GLIS1: variants seen among roughly 807,000 people sequenced by gnomAD.
GLIS1 encodes the protein GLIS family zinc finger 1, also known as zinc finger protein GLIS1.
In GLIS1, 24 loss-of-function variants were observed where a neutral mutation model predicts 63.8. The observed-to-expected ratio is 0.38, with a 90% CI of 0.27 to 0.53. The LOEUF is 0.53. Ranked by LOEUF, GLIS1 falls within the 20% of genes least tolerant of loss-of-function variation. The probability of loss-of-function intolerance (pLI) is 0.85; values close to 1 mark genes in which losing one functional copy is unlikely to be tolerated. For synonymous variants in GLIS1, 450 were observed against 482.5 expected, an observed-to-expected ratio of 0.93 and a Z score of 0.88; for missense variants, 1,036 against 1,074.1, an observed-to-expected ratio of 0.96 and a Z score of 0.50.
chr1:53,593,233 G>C (rs1256808768), intron 4 of GLIS1, among the ~76,000 whole-genome samples: 1 of 152,252 alleles, frequency 6.6e-6, no homozygotes, highest in Non-Finnish European at 1.5e-5. Context: ...CTGAGGTCCA[G>C]CTCTGCCGTT....
chr1:53,530,092 C>A, intron 4 of GLIS1, 140 bp from the exon 5 acceptor site: 1 of 757,510 alleles, frequency 1.3e-6, no homozygotes, highest in Admixed American at 2.9e-5. Context: ...TCTGGATCAG[C>A]TCCCCATGAA....
At chr1:53,510,230 G>A (rs957755013) in intron 8 of GLIS1, among the ~76,000 whole-genome samples, 9 of 152,204 alleles carry the variant, frequency 5.9e-5, no homozygotes, top group Non-Finnish European at 1.2e-4. Flanking sequence ...TTTGGAGTCT[G>A]GTATTTAGGA....
chr1:53,535,056 T>C lies in GLIS1; in HGVS notation c.1321-5104A>G, dbSNP rs113665018. Among the ~76,000 whole-genome samples the C allele has an allele frequency of 2.4e-4, 37 of 152,096 alleles. 1 individual carries two copies. The highest frequency in any genetic ancestry group is 8.7e-4 in the African/African-American group (36 of 41,416). ...CAGGGAGGCTGGAAGAGGTGGGATA[T>C]GTTCTGGAAACAGCTAAGGATCTAT... On this transcript the variant is annotated intron_variant, in intron 4 of 10. Coordinates refer to ENST00000628545, the MANE Select transcript of GLIS1 (RefSeq NM_001367484.1).
At chr1:53,562,448 G>A (rs990081665) in intron 4 of GLIS1, among the ~76,000 whole-genome samples, 3 of 152,028 alleles carry the variant, frequency 2.0e-5, no homozygotes, top group Non-Finnish European at 4.4e-5. Flanking sequence ...CATGACATGT[G>A]GAAATGCACT....
At chr1:53,668,147 A>G (rs577911014) in intron 2 of GLIS1, among the ~76,000 whole-genome samples, 1 of 152,346 alleles carries the variant, frequency 6.6e-6, no homozygotes, top group Non-Finnish European at 1.5e-5. Flanking sequence ...TCTCAACCTC[A>G]GAACTGATAT....
chr1:53,721,196 A>G (rs1157382558), intron 2 of GLIS1, among the ~76,000 whole-genome samples: 2 of 152,152 alleles, frequency 1.3e-5, no homozygotes, highest in Non-Finnish European at 2.9e-5. Flanking sequence ...ATAGGAAGCC[A>G]GTAGACAGTA....
At chr1:53,548,604 G>A (rs547387856) in intron 4 of GLIS1, among the ~76,000 whole-genome samples, 1 of 152,344 alleles carries the variant, frequency 6.6e-6, no homozygotes, top group South Asian at 2.1e-4. Flanking sequence ...CTCAGAAGTT[G>A]CTGAGGTGCT....
intron 6 of GLIS1, among the ~76,000 whole-genome samples, chr1:53,524,406 C>T (rs1644442736): frequency 6.6e-6 from 1 of 152,256 alleles, no homozygotes. Flanking sequence ...TCTGCTGTCG[C>T]CTGCCAGGAC....
At chr1:53,729,360 G>T (rs184940886) in intron 2 of GLIS1, among the ~76,000 whole-genome samples, 1 of 152,106 alleles carries the variant, frequency 6.6e-6, no homozygotes, top group Non-Finnish European at 1.5e-5. Context: ...CACAAAGAGC[G>T]CTCCGTAAGT....
At chr1:53,566,617 G>C (rs1022135826) in intron 4 of GLIS1, among the ~76,000 whole-genome samples, 4 of 152,150 alleles carry the variant, frequency 2.6e-5, no homozygotes, top group African/African-American at 4.8e-5. Flanking sequence ...CCCATATTTC[G>C]GGGGAAGGGC....
At chr1:53,545,043 T>C (rs1254691440) in intron 4 of GLIS1, among the ~76,000 whole-genome samples, 2 of 152,222 alleles carry the variant, frequency 1.3e-5, no homozygotes, top group African/African-American at 4.8e-5. Flanking sequence ...GGCAGGCTCT[T>C]CCTGCTCCTG....
chr1:53,507,618 G>A (rs1644248596), intron 10 of GLIS1, among the ~76,000 whole-genome samples: 1 of 152,232 alleles, frequency 6.6e-6, no homozygotes, highest in Non-Finnish European at 1.5e-5. Flanking sequence ...GAGGCCTGCA[G>A]CCCCTGAAGC....
At chr1:53,694,604 C>T (rs935921415) in intron 2 of GLIS1, among the ~76,000 whole-genome samples, 2 of 152,162 alleles carry the variant, frequency 1.3e-5, no homozygotes, top group East Asian at 1.9e-4. Flanking sequence ...GGGCAGACAC[C>T]GCTGGGGTCC....
intron 2 of GLIS1, among the ~76,000 whole-genome samples, chr1:53,704,850 A>G (rs1174681546): frequency 1.3e-5 from 2 of 152,194 alleles, no homozygotes; most frequent in Non-Finnish European, 2.9e-5. Flanking sequence ...AACCCTCCAC[A>G]TGAGGCATGA....
chr1:53,600,371 G>C, intron 2 of GLIS1, 93 bp from the exon 3 acceptor site: 1 of 716,116 alleles, frequency 1.4e-6, no homozygotes, highest in Non-Finnish European at 1.9e-6. Context: ...GGTACAGCAA[G>C]GGACAGGGCA....
intron 6 of GLIS1, 52 bp downstream of exon 6, chr1:53,524,725 G>T: frequency 7.6e-7 from 1 of 1,314,522 alleles, no homozygotes; most frequent in Non-Finnish European, 1.1e-6. Flanking sequence ...GGCCTGATGC[G>T]GTGCAGGCGG....
rs575532683 is a variant in GLIS1 at position 53,521,937 on chromosome 1, G to T, written c.1594-1171C>A. 1.7e-3 allele frequency among the ~76,000 whole-genome samples: 253 copies of T among 152,360 alleles called. 2 individuals are homozygous for T. The highest frequency in any genetic ancestry group is 6.0e-3 in the African/African-American group (248 of 41,602). ...TCTTCCCCAGGACAAAACAGACCCA[G>T]AGAGGGTGAGAGCCCTGCCCCACAT... On this transcript the variant is annotated intron_variant, in intron 6 of 10. Coordinates refer to ENST00000628545, the MANE Select transcript of GLIS1 (RefSeq NM_001367484.1).
At chr1:53,718,778 C>G (rs989651308) in intron 2 of GLIS1, among the ~76,000 whole-genome samples, 1 of 152,274 alleles carries the variant, frequency 6.6e-6, no homozygotes. Context: ...AAACAATCCC[C>G]GAGACACTTT....
At chr1:53,525,823 C>T (rs776865513) in intron 5 of GLIS1, among the ~76,000 whole-genome samples, 1 of 152,152 alleles carries the variant, frequency 6.6e-6, no homozygotes, top group Non-Finnish European at 1.5e-5. Context: ...TCCAAGCTCT[C>T]CTCGCATCCT....
Sources: gnomAD v4.1 joint callset for allele counts (sites outside exome capture counted in the v4.1 genomes callset) on GRCh38, gnomAD v4.1.1 for gene constraint, MANE v1.5 for transcripts, NCBI Gene and HGNC (gene_info 2026-07-23, HGNC 2026-07-21) for gene names.